The following BBOX1 variants were observed in gnomAD, a reference collection of about 807,000 sequenced individuals.
BBOX1 encodes the protein gamma-butyrobetaine dioxygenase.
In BBOX1, 35 loss-of-function variants were observed where a neutral mutation model predicts 41.6. The observed-to-expected ratio is 0.84, with a 90% confidence interval of 0.64 to 1.11. BBOX1 has a LOEUF of 1.11. BBOX1 is among the 50% of genes most tolerant of loss of function. BBOX1 has a pLI of 0.00. For missense variants in BBOX1, 458 were observed against 460.6 expected (o/e 0.99, Z 0.05); for synonymous variants, 163 against 154.7 (o/e 1.05, Z -0.40).
At chr11:27,080,910 C>G (rs988295676) in intron 4 of BBOX1, among the ~76,000 whole-genome samples, 10 of 152,158 alleles carry the variant, frequency 6.6e-5, no homozygotes, top group African/African-American at 2.4e-4. Context: ...TTTAACCAGA[C>G]AGCAGGCACA....
In BBOX1 at chr11:27,067,083, T is replaced by G. The variant is rs185071194; in HGVS notation, c.334+9768T>G. Among the ~76,000 whole-genome samples, 323 of 152,288 alleles carry G rather than the reference T, an allele frequency of 2.1e-3. 1 individual carries two copies. Among genetic ancestry groups the G allele is most frequent in the Non-Finnish European group, 3.9e-3 (264 of 68,026 alleles). ...ATACTTAACTTCTCAAGCAGTGCAA[T>G]GTTGGGTGAAGGGTAGTGTTGCACC... On this transcript the variant is annotated intron_variant, in intron 4 of 8. Transcript: ENST00000263182.
At chr11:27,073,808 A>G (rs942544208) in intron 4 of BBOX1, among the ~76,000 whole-genome samples, 1 of 152,088 alleles carries the variant, frequency 6.6e-6, no homozygotes, top group Admixed American at 6.6e-5. Flanking sequence ...AAACTATCAC[A>G]AGGACAAAAA....
Position 27,057,203 on chromosome 11 carries a change from G to T in BBOX1, c.222G>T (p.Val74=), listed in dbSNP as rs1857012655. The change falls in exon 4 of 9, where the codon GTG becomes GTT. Residue 74 remains valine, a splice_region_variant and synonymous_variant. Transcript: ENST00000263182. ...IKGLIFDRKK[V]YITWPDEHYS... is the part of the protein sequence containing the mutation. ...AAATTTGCTTTTTGTGTTATAAGGT[G>T]TACATCACATGGCCCGATGAGCATT... 2.5e-6 allele frequency: 4 copies of T among 1,595,674 alleles called. No individual in the cohort carries two copies. The highest frequency in any genetic ancestry group is 3.4e-6 in the Non-Finnish European group (4 of 1,174,194).
At chr11:27,117,893 T>G (rs1238351389) in intron 6 of BBOX1, among the ~76,000 whole-genome samples, 1 of 151,898 alleles carries the variant, frequency 6.6e-6, no homozygotes, top group African/African-American at 2.4e-5. Context: ...AAACACGAGA[T>G]TCAATATTTT....
At chr11:27,055,720 A>G (rs1564954727) in intron 3 of BBOX1, 71 bp downstream of exon 3, 1 of 1,416,178 alleles carries the variant, frequency 7.1e-7, no homozygotes, top group South Asian at 1.3e-5. Context: ...AATAATTTAG[A>G]TAACTCTTTT....
intron 4 of BBOX1, among the ~76,000 whole-genome samples, chr11:27,070,186 T>C (rs1257256579): frequency 1.3e-5 from 2 of 152,194 alleles, no homozygotes; most frequent in East Asian, 1.9e-4. Context: ...TGAACTATTA[T>C]ATGGTCTGTC....
chr11:27,091,894 A>G (rs1278578187), intron 4 of BBOX1, among the ~76,000 whole-genome samples: 2 of 152,016 alleles, frequency 1.3e-5, no homozygotes, highest in Non-Finnish European at 2.9e-5. Flanking sequence ...CTGGCTCATT[A>G]TGCAAACTGC....
chr11:27,089,849 T>C (rs1489067003), intron 4 of BBOX1, among the ~76,000 whole-genome samples: 1 of 152,050 alleles, frequency 6.6e-6, no homozygotes, highest in East Asian at 1.9e-4. Context: ...ATTTTTCTTC[T>C]CACTAAAACC....
intron 4 of BBOX1, among the ~76,000 whole-genome samples, chr11:27,068,069 T>C (rs1459578869): frequency 1.4e-5 from 2 of 147,006 alleles, no homozygotes; most frequent in Admixed American, 6.8e-5. Flanking sequence ...TTTACATGAC[T>C]TTTTTCCTTT....
At chr11:27,121,026 G>A (rs1859441157) in intron 7 of BBOX1, among the ~76,000 whole-genome samples, 1 of 152,106 alleles carries the variant, frequency 6.6e-6, no homozygotes, top group Non-Finnish European at 1.5e-5. Context: ...AGAAAAAAAG[G>A]AAGAGCATAG....
intron 4 of BBOX1, among the ~76,000 whole-genome samples, chr11:27,060,721 T>A (rs1416649096): frequency 6.6e-6 from 1 of 152,242 alleles, no homozygotes; most frequent in Non-Finnish European, 1.5e-5. Flanking sequence ...AGCATGATAC[T>A]GTCCCCTTTC....
chr11:27,093,888 C>A (rs1264808963), intron 5 of BBOX1, among the ~76,000 whole-genome samples: 1 of 151,904 alleles, frequency 6.6e-6, no homozygotes, highest in Non-Finnish European at 1.5e-5. Context: ...CATCTCCAAG[C>A]ATTGGGGGTT....
chr11:27,045,548 A>G (rs930520796), intron 2 of BBOX1, among the ~76,000 whole-genome samples: 6 of 152,146 alleles, frequency 3.9e-5, no homozygotes, highest in African/African-American at 1.2e-4. Context: ...CCCATTCAGT[A>G]TGATATTGGC....
intron 5 of BBOX1, among the ~76,000 whole-genome samples, chr11:27,103,737 T>C (rs538742724): frequency 1.3e-5 from 2 of 152,140 alleles, no homozygotes; most frequent in East Asian, 3.9e-4. Context: ...TATTTTATCT[T>C]TTTTATTGGG....
At chr11:27,112,566 T>C (rs1231232962) in intron 5 of BBOX1, among the ~76,000 whole-genome samples, 1 of 152,012 alleles carries the variant, frequency 6.6e-6, no homozygotes, top group Non-Finnish European at 1.5e-5. Flanking sequence ...AAGGACTCCT[T>C]ATTCAATAAA....
At chr11:27,072,243 G>A (rs1256859119) in intron 4 of BBOX1, among the ~76,000 whole-genome samples, 1 of 152,128 alleles carries the variant, frequency 6.6e-6, no homozygotes, top group East Asian at 1.9e-4. Flanking sequence ...CAAAATCAAT[G>A]TGCAAAAATC....
At chr11:27,073,110 C>A (rs1046575971) in intron 4 of BBOX1, among the ~76,000 whole-genome samples, 1 of 152,052 alleles carries the variant, frequency 6.6e-6, no homozygotes, top group Admixed American at 6.6e-5. Context: ...AAGAAACTAC[C>A]ATCAGAGTGA....
intron 4 of BBOX1, among the ~76,000 whole-genome samples, chr11:27,073,832 A>G (rs1014353672): frequency 6.6e-6 from 1 of 152,004 alleles, no homozygotes; most frequent in Non-Finnish European, 1.5e-5. Flanking sequence ...AAACACTTGC[A>G]TGTTCTCACT....
chr11:27,114,941 T>C (rs932437018), intron 5 of BBOX1, among the ~76,000 whole-genome samples: 1 of 151,594 alleles, frequency 6.6e-6, no homozygotes, highest in Non-Finnish European at 1.5e-5. Flanking sequence ...GAAAGCAAAT[T>C]AGTGATTGCC....
Sources: allele counts gnomAD v4.1 joint callset (sites outside exome capture counted in the v4.1 genomes callset), GRCh38; gene constraint gnomAD v4.1.1; transcripts MANE v1.5; gene names NCBI Gene and HGNC (gene_info 2026-07-23, HGNC 2026-07-21).